THRAP3: variants seen among roughly 807,000 people sequenced by gnomAD.
The protein encoded by THRAP3 is thyroid hormone receptor-associated protein 3.
In THRAP3, 16 loss-of-function variants were observed where a neutral mutation model predicts 101.0. The ratio of observed to expected loss-of-function variants is 0.16; its 90% confidence interval spans 0.11 to 0.24. The LOEUF is 0.24. Among genes scored for constraint, THRAP3 ranks in the 10% least tolerant of loss-of-function variants. The probability of loss-of-function intolerance (pLI) is 1.00; values close to 1 mark genes in which losing one functional copy is unlikely to be tolerated. For missense variants in THRAP3, 989 were observed against 1,202.7 expected (o/e 0.82, Z 2.63); for synonymous variants, 407 against 422.6 (o/e 0.96, Z 0.45).
At position 36,225,655 on chromosome 1, in the gene THRAP3, T is replaced by G. The variant is rs566884294; in HGVS notation, c.-135+1150T>G. Among the ~76,000 whole-genome samples the G allele has an allele frequency of 3.3e-5, 5 of 152,282 alleles. No individual in the cohort carries two copies. The South Asian group carries it at 1.0e-3, about 32-fold the overall frequency. ...TCAGATGACCCTGACTTTTTTCGTT[T>G]GTGGAAGTACTGTTGTAGTCTGTTC... On this transcript the variant is annotated intron_variant, in intron 1 of 11. Coordinates refer to ENST00000354618, the MANE Select transcript of THRAP3 (RefSeq NM_005119.4).
At chr1:36,214,054 GAAAGAAAGAAA>G in the THRAP3 span, among the ~76,000 whole-genome samples, 3 of 117,570 alleles carry the variant, frequency 2.6e-5, 1 homozygote, top group Middle Eastern at 0.016. Context: ...AAGAAAGAAA[GAAAGAAAGAAA>G]GACAACTCCT....
Position 36,291,484 on chromosome 1 carries a change from C to A in THRAP3, c.1856C>A (p.Ser619Tyr). The part of the protein sequence containing the change: ...SIFQHIQSAQ[S>Y]QRSPSELFAQ... The stretch of plus-strand genomic sequence containing the variant: ...TTCCAGCACATACAATCAGCTCAGT[C>A]TCAGCGTAGCCCCTCAGAACTGTTT... The change falls in exon 6 of 12, where the codon TCT (serine) becomes TAT (tyrosine). Residue 619 changes from serine (S) to tyrosine (Y), a missense_variant. By Grantham distance (144) the Ser-to-Tyr change is moderately radical. Transcript: ENST00000354618. 1 of 1,614,210 alleles carries A rather than the reference C, an allele frequency of 6.2e-7. No individual in the cohort carries two copies. The highest frequency in any genetic ancestry group is 1.7e-5 in the Admixed American group (1 of 60,020).
At chr1:36,301,277 C>T (rs887087893) in intron 10 of THRAP3, among the ~76,000 whole-genome samples, 193 bp downstream of exon 10, 8 of 152,216 alleles carry the variant, frequency 5.3e-5, no homozygotes, top group African/African-American at 1.9e-4. Flanking sequence ...AATCACTTAG[C>T]TAGAAAGCCT....
rs527882184 is a variant in THRAP3 at position 36,252,113 on chromosome 1, G to GT, written c.-134-7266dup. Among the ~76,000 whole-genome samples the GT allele has an allele frequency of 6.6e-4, 100 of 152,178 alleles. 3 individuals carry two copies. In the South Asian group the frequency reaches 0.021, roughly 31 times the overall value. On this transcript the variant is annotated intron_variant, in intron 1 of 11. Coordinates refer to ENST00000354618, the MANE Select transcript of THRAP3 (RefSeq NM_005119.4). ...GTTTTGAGAATTACTATTCATGAGG[G>GT]TTTATTTTTATTTTTATTTATTTAT...
upstream of THRAP3, among the ~76,000 whole-genome samples, chr1:36,219,726 G>A (rs745718559): frequency 4.1e-4 from 62 of 152,016 alleles, no homozygotes; most frequent in Non-Finnish European, 7.8e-4. Flanking sequence ...CTCCGTGCCC[G>A]GCCCCTGACA....
upstream of THRAP3, among the ~76,000 whole-genome samples, chr1:36,223,439 T>C (rs1460616956): frequency 6.6e-6 from 1 of 152,208 alleles, no homozygotes. Flanking sequence ...CACAGTCTTG[T>C]CGGGGAAGGC....
At position 36,266,609 on chromosome 1, in the gene THRAP3, A is replaced by G. The variant is rs116177979; in HGVS notation, c.-32+7125A>G. Among the ~76,000 whole-genome samples, 1,483 of 152,252 alleles carry G rather than the reference A, an allele frequency of 9.7e-3. 26 individuals are homozygous for G. Among genetic ancestry groups the G allele is most frequent in the African/African-American group, 0.034 (1,396 of 41,544 alleles). Reference sequence around the variant, plus strand: ...GAAATGTGATCTCTTGCTGGTTCTGATGGAAAGAAGCCAGCAGCACAGTGT... The same window carrying G: ...GAAATGTGATCTCTTGCTGGTTCTGGTGGAAAGAAGCCAGCAGCACAGTGT... On this transcript the variant is annotated intron_variant, in intron 2 of 11. Coordinates refer to ENST00000354618, the MANE Select transcript of THRAP3 (RefSeq NM_005119.4).
chr1:36,247,535 A>G (rs1222570749), intron 1 of THRAP3, among the ~76,000 whole-genome samples: 1 of 151,996 alleles, frequency 6.6e-6, no homozygotes, highest in Non-Finnish European at 1.5e-5. Context: ...CATGTTGGCC[A>G]AGCTGGTTTT....
At chr1:36,283,291 A>G (rs1369313010) in intron 3 of THRAP3, among the ~76,000 whole-genome samples, 2 of 152,246 alleles carry the variant, frequency 1.3e-5, no homozygotes, top group African/African-American at 2.4e-5. Flanking sequence ...ATTTATTGCC[A>G]GTATTTCCTA....
chr1:36,265,610 T>C (rs1394955192), intron 2 of THRAP3, among the ~76,000 whole-genome samples: 1 of 152,128 alleles, frequency 6.6e-6, no homozygotes, highest in Non-Finnish European at 1.5e-5. Context: ...TTTTACCAAA[T>C]AACTGTAAAG....
intron 1 of THRAP3, among the ~76,000 whole-genome samples, chr1:36,249,720 G>GTGTGT (rs1553193619): frequency 8.2e-5 from 12 of 146,916 alleles, no homozygotes; most frequent in East Asian, 2.0e-4. Flanking sequence ...GTGTGTGTGT[G>GTGTGT]GTGGAGGTTG....
chr1:36,256,172 A>G (rs1032076093), intron 1 of THRAP3, among the ~76,000 whole-genome samples: 1 of 149,258 alleles, frequency 6.7e-6, no homozygotes, highest in Non-Finnish European at 1.5e-5. Flanking sequence ...GTAAGCCACC[A>G]CACCTGGCCT....
Position 36,294,223 on chromosome 1 carries a change from TTG to T in THRAP3, c.2115+291_2115+292del, listed in dbSNP as rs1645917166. On this transcript the variant is annotated intron_variant, in intron 8 of 11. Transcript: ENST00000354618. ...TGCCCATGATGAGAGAAGAAACTTT[TTG>T]TGATATTTTTCTGCTTGTAAGTATT... 8.5e-6 allele frequency: 10 copies of T among 1,173,914 alleles called. No individual in the cohort carries two copies. The South Asian group carries it at 2.7e-4, about 32-fold the overall frequency. 72.7% of individuals were successfully genotyped at this position (1,173,914 alleles called of 1,614,324 possible).
chr1:36,279,643 C>A (rs1015279084), intron 2 of THRAP3, among the ~76,000 whole-genome samples: 2 of 152,154 alleles, frequency 1.3e-5, no homozygotes, highest in African/African-American at 4.8e-5. Context: ...TTGGCATCCT[C>A]ATCTAGCAGT....
chr1:36,299,962 A>G (rs578090282), intron 9 of THRAP3, among the ~76,000 whole-genome samples: 3 of 152,244 alleles, frequency 2.0e-5, no homozygotes, highest in African/African-American at 4.8e-5. Context: ...TGCCTTTCAT[A>G]ATGGAAGACT....
At chr1:36,238,136 T>G (rs1645113429) in intron 1 of THRAP3, among the ~76,000 whole-genome samples, 1 of 152,116 alleles carries the variant, frequency 6.6e-6, no homozygotes, top group African/African-American at 2.4e-5. Context: ...CCCGGCGATT[T>G]AGCAAATTTT....
Position 36,252,969 on chromosome 1 carries a change from TAA to T in THRAP3, c.-134-6411_-134-6410del, listed in dbSNP as rs1479489601. Among the ~76,000 whole-genome samples the T allele has an allele frequency of 9.3e-4, 116 of 124,458 alleles. 2 individuals carry two copies. Among genetic ancestry groups the T allele is most frequent in the East Asian group, 1.1e-3 (5 of 4,478 alleles). 81.6% of individuals were successfully genotyped at this position (124,458 alleles called of 152,430 possible). ...ATATATATATATATATATATATATATAAATGTAAATAATGAGTATAATTTTTG... is the reference window on the plus strand; with the variant it reads ...ATATATATATATATATATATATATATATGTAAATAATGAGTATAATTTTTG... On this transcript the variant is annotated intron_variant, in intron 1 of 11. Coordinates refer to ENST00000354618, the MANE Select transcript of THRAP3 (RefSeq NM_005119.4).
At chr1:36,222,104 G>A (rs1369564936), upstream of THRAP3, among the ~76,000 whole-genome samples, 1 of 152,064 alleles carries the variant, frequency 6.6e-6, no homozygotes, top group African/African-American at 2.4e-5. Flanking sequence ...GAGCCACTGC[G>A]CCTGGCCTTG....
chr1:36,215,941 G>T, the THRAP3 span, among the ~76,000 whole-genome samples: 8 of 151,866 alleles, frequency 5.3e-5, no homozygotes, highest in African/African-American at 1.9e-4. Flanking sequence ...TAGAGACGGG[G>T]TTTCTCCATG....
Sources: allele counts gnomAD v4.1 joint callset (sites outside exome capture counted in the v4.1 genomes callset), GRCh38; gene constraint gnomAD v4.1.1; transcripts MANE v1.5; gene names NCBI Gene and HGNC (gene_info 2026-07-23, HGNC 2026-07-21).